Variants in NRXN3 observed in about 807,000 individuals in gnomAD.
NRXN3 encodes the protein neurexin III.
A neutral mutation model predicts 137.6 loss-of-function variants in NRXN3; 32 were observed. The ratio of observed to expected loss-of-function variants is 0.23; its 90% CI spans 0.18 to 0.31. NRXN3 has a LOEUF of 0.31. Among genes scored for constraint, NRXN3 ranks in the 10% least tolerant of loss-of-function variants. The probability of loss-of-function intolerance (pLI) is 1.00; values close to 1 mark genes in which losing one functional copy is unlikely to be tolerated. For synonymous variants in NRXN3, 798 were observed against 784.5 expected, an observed-to-expected ratio of 1.02 and a Z score of -0.29; for missense variants, 1,574 against 2,062.5, an observed-to-expected ratio of 0.76 and a Z score of 4.59.
In NRXN3 at chr14:79,409,970, G is replaced by A. The variant is rs2095390621; in HGVS notation, c.3263-57251G>A. On this transcript the variant is annotated intron_variant, in intron 15 of 20. Transcript: ENST00000335750. ...TTCTTGTTTTGTCTTTGGGTAAAAGGAATAAATTATATATTTATCATAAAT... is the reference window on the plus strand; with the variant it reads ...TTCTTGTTTTGTCTTTGGGTAAAAGAAATAAATTATATATTTATCATAAAT... Among the ~76,000 whole-genome samples, 3 of 151,428 alleles carry A rather than the reference G, an allele frequency of 2.0e-5. No individual in the cohort carries two copies. In the South Asian group the frequency reaches 6.3e-4, roughly 32 times the overall value.
At chr14:78,647,577 G>A (rs1443127604) in intron 5 of NRXN3, among the ~76,000 whole-genome samples, 1 of 152,196 alleles carries the variant, frequency 6.6e-6, no homozygotes, top group East Asian at 1.9e-4. Context: ...GCAATTCTCT[G>A]TTCTAGACAG....
intron 16 of NRXN3, among the ~76,000 whole-genome samples, chr14:79,508,606 G>C (rs2153686266): frequency 6.6e-6 from 1 of 151,378 alleles, no homozygotes; most frequent in Non-Finnish European, 1.5e-5. Context: ...TGGCCAGGCT[G>C]GTCTTGAACT....
chr14:79,508,815 T>C (rs1468829819), intron 16 of NRXN3, among the ~76,000 whole-genome samples: 1 of 152,200 alleles, frequency 6.6e-6, no homozygotes, highest in African/African-American at 2.4e-5. Flanking sequence ...TGACATCCAG[T>C]GCTGGCTTGA....
At chr14:78,462,224 T>C (rs914233500) in intron 4 of NRXN3, among the ~76,000 whole-genome samples, 10 of 152,184 alleles carry the variant, frequency 6.6e-5, no homozygotes, top group African/African-American at 2.2e-4. Flanking sequence ...GATCCATGGA[T>C]ATCTTCTAAG....
intron 15 of NRXN3, among the ~76,000 whole-genome samples, chr14:78,998,030 C>T (rs1306690170): frequency 6.6e-6 from 1 of 152,180 alleles, no homozygotes; most frequent in Non-Finnish European, 1.5e-5. Flanking sequence ...ACCTTCCTGC[C>T]TGCTCCATGA....
At position 78,243,433 on chromosome 14, in the gene NRXN3, G is replaced by A. The variant is rs771481710; in HGVS notation, c.340G>A (p.Val114Met). ...TGACAGCAGCTGGCACTTCCTCATGGTGAGCCGTGACCGCCTGCGCACGGT... is the reference window on the plus strand; with the variant it reads ...TGACAGCAGCTGGCACTTCCTCATGATGAGCCGTGACCGCCTGCGCACGGT... ...VNDSSWHFLM[V>M]SRDRLRTVLM... is the part of the protein sequence containing the mutation. The change falls in exon 2 of 21, where the codon GTG becomes ATG. Residue 114 changes from valine (V) to methionine (M), a missense_variant. By Grantham distance (21) the Val-to-Met change is conservative (BLOSUM62 1). Transcript: ENST00000335750. The surrounding 1 kb of genome is among the most constrained non-coding windows in gnomAD (Gnocchi z 4.2). The A allele has an allele frequency of 3.8e-6, 6 of 1,569,350 alleles. No homozygotes were observed. The highest frequency in any genetic ancestry group is 2.3e-5 in the East Asian group (1 of 43,402).
At chr14:79,428,189 G>A (rs1245693010) in intron 15 of NRXN3, among the ~76,000 whole-genome samples, 3 of 152,092 alleles carry the variant, frequency 2.0e-5, no homozygotes, top group Non-Finnish European at 4.4e-5. Flanking sequence ...ATTAAAGTCT[G>A]ATTTCAAATA....
chr14:78,216,503 G>A (rs2063296143), intron 1 of NRXN3, among the ~76,000 whole-genome samples: 2 of 152,072 alleles, frequency 1.3e-5, no homozygotes, highest in African/African-American at 4.8e-5. Context: ...GAAGCTACAG[G>A]GTTTCTTGTT....
intron 16 of NRXN3, among the ~76,000 whole-genome samples, chr14:79,560,504 C>CGTTTTTTTTTTTT (rs2097481849): frequency 2.3e-5 from 1 of 43,770 alleles, no homozygotes; most frequent in Non-Finnish European, 4.0e-5. Context: ...AGATTGTAAG[C>CGTTTTTTTTTTTT]TTTTTTTTTT....
intron 15 of NRXN3, among the ~76,000 whole-genome samples, chr14:79,007,072 A>C (rs919392241): frequency 6.6e-6 from 1 of 151,474 alleles, no homozygotes; most frequent in Non-Finnish European, 1.5e-5. Flanking sequence ...GTAGATAACC[A>C]CTCCCACCCC....
chr14:78,245,021 A>G (rs1458663625), intron 2 of NRXN3, among the ~76,000 whole-genome samples: 1 of 152,240 alleles, frequency 6.6e-6, no homozygotes, highest in African/African-American at 2.4e-5. Flanking sequence ...CTCACGGCTT[A>G]GATTTGGGTA....
Position 79,625,908 on chromosome 14 carries a change from C to T in NRXN3, c.3445-37870C>T, listed in dbSNP as rs911173923. Among the ~76,000 whole-genome samples, 7 of 152,102 alleles carry T rather than the reference C, an allele frequency of 4.6e-5. 1 individual carries two copies. The South Asian group carries it at 1.2e-3, about 27-fold the overall frequency. ...CCTCTTTCACCCATAGTTTCTTTAT[C>T]TAGAAAACAGGAGTGATGCATGTCT... On this transcript the variant is annotated intron_variant, in intron 16 of 20. Transcript: ENST00000335750.
chr14:79,176,925 G>T (rs8008994), intron 15 of NRXN3, among the ~76,000 whole-genome samples: 33,270 of 152,154 alleles, frequency 0.22, 4,202 homozygotes, highest in Non-Finnish European at 0.29. Context: ...TTTTGATGAA[G>T]CATTGTTGGA....
chr14:79,711,197 T>G (rs1022748073), intron 19 of NRXN3, among the ~76,000 whole-genome samples: 4 of 152,200 alleles, frequency 2.6e-5, no homozygotes, highest in African/African-American at 9.7e-5. Context: ...GGCAAATATC[T>G]TCTTGTGTTG....
chr14:78,765,520 G>T (rs1468726945), intron 8 of NRXN3, among the ~76,000 whole-genome samples: 1 of 151,986 alleles, frequency 6.6e-6, no homozygotes, highest in Admixed American at 6.6e-5. Flanking sequence ...ACCTTTCACA[G>T]GCAGACTTCA....
intron 16 of NRXN3, among the ~76,000 whole-genome samples, chr14:79,549,958 G>C (rs1365182844): frequency 8.4e-6 from 1 of 119,592 alleles, no homozygotes; most frequent in Non-Finnish European, 1.9e-5. Flanking sequence ...TCATATTGTT[G>C]GGTGTTTGTT....
At chr14:79,025,726 T>C (rs143770607) in intron 15 of NRXN3, among the ~76,000 whole-genome samples, 2 of 152,302 alleles carry the variant, frequency 1.3e-5, no homozygotes, top group East Asian at 1.9e-4. Context: ...TTATTTTCTT[T>C]GGCGATGGGT....
intron 4 of NRXN3, among the ~76,000 whole-genome samples, chr14:78,314,893 CTCTTTCTTTCTTTCTTTCTTTCTT>C (rs67628703): frequency 2.2e-4 from 18 of 82,118 alleles, no homozygotes; most frequent in African/African-American, 9.1e-4. Flanking sequence ...TTCTTTCTTT[CTCTTTCTTTCTTTCTTTCTTTCTT>C]TCTTTCTTTC....
intron 16 of NRXN3, among the ~76,000 whole-genome samples, chr14:79,662,852 G>T (rs542827351): frequency 1.3e-5 from 2 of 152,072 alleles, no homozygotes; most frequent in East Asian, 3.9e-4. Flanking sequence ...GTACTAAAAC[G>T]TTCATGAGAA....
Sources: gnomAD v4.1 joint callset for allele counts (sites outside exome capture counted in the v4.1 genomes callset) on GRCh38, gnomAD v4.1.1 for gene constraint, Gnocchi (gnomAD v3.1) non-coding constraint, MANE v1.5 for transcripts, NCBI Gene and HGNC (gene_info 2026-07-23, HGNC 2026-07-21) for gene names.